Variants in MCM7 observed in about 807,000 individuals in gnomAD.
The protein encoded by MCM7 is minichromosome maintenance complex component 7, also known as DNA replication licensing factor MCM7.
In MCM7, 95 loss-of-function variants were observed where a neutral mutation model predicts 83.5. The ratio of observed to expected loss-of-function variants is 1.14; its 90% confidence interval spans 0.96 to 1.35. The LOEUF is 1.35. MCM7 is among the 40% of genes most tolerant of loss of function. The pLI, the probability that MCM7 is intolerant of heterozygous loss-of-function variation, is 0.00. For missense variants in MCM7, 1,087 were observed against 957.4 expected (o/e 1.14, Z -1.79); for synonymous variants, 461 against 352.7 (o/e 1.31, Z -3.44).
intron 1 of MCM7, 49 bp downstream of exon 1, chr7:100,101,215 C>T (rs1796005452): frequency 6.2e-7 from 1 of 1,610,882 alleles, no homozygotes; most frequent in Non-Finnish European, 8.5e-7. Flanking sequence ...CAGGTGTTCC[C>T]CGGGAGGCTC....
chr7:100,093,758 A>G (rs559976662), intron 13 of MCM7: 98 of 621,490 alleles, frequency 1.6e-4, no homozygotes, highest in South Asian at 1.4e-3. Context: ...ATTGGCAGAG[A>G]GAACGTGTCC....
At position 100,092,860 on chromosome 7, in the gene MCM7, G is replaced by A. The variant is rs1795385450; in HGVS notation, c.*72C>T. On this transcript the variant is annotated 3_prime_UTR_variant, in exon 15 of 15. Transcript: ENST00000303887. Reference sequence around the variant, plus strand: ...GAGGGGCTCCTCCTTCCCCTCAAAGGCATCACTGCCCCTTCCCAAGGGGCA... The same window carrying A: ...GAGGGGCTCCTCCTTCCCCTCAAAGACATCACTGCCCCTTCCCAAGGGGCA... 9 of 1,512,592 alleles carry A rather than the reference G, an allele frequency of 6.0e-6. No individual in the cohort carries two copies. Among genetic ancestry groups the A allele is most frequent in the Admixed American group, 5.1e-5 (3 of 58,916 alleles). 93.7% of individuals were successfully genotyped at this position (1,512,592 alleles called of 1,614,324 possible). A position where few individuals can be genotyped will look rare whatever the true frequency, so the allele number is the denominator to read the frequency against.
Position 100,095,259 on chromosome 7 carries a change from G to A in MCM7, c.1679+128C>T, listed in dbSNP as rs559120697. 7.3e-5 allele frequency: 59 copies of A among 811,786 alleles called. No homozygotes were observed. In the African/African-American group the frequency reaches 8.8e-4, roughly 12 times the overall value. The allele number at this position is 811,786 out of a possible 1,614,324, so 50.3% of individuals were successfully genotyped here. ...ATTTTCCACTTAAAAGCTGATCTGA[G>A]GCTCTGGACATGTCTGTAGCGGGAA... On this transcript the variant is annotated intron_variant, in intron 12 of 14. Transcript: ENST00000303887.
chr7:100,096,581 G>A (rs1043896086), intron 10 of MCM7, among the ~76,000 whole-genome samples: 3 of 150,860 alleles, frequency 2.0e-5, no homozygotes, highest in African/African-American at 7.3e-5. Flanking sequence ...TTCGAGACCA[G>A]CCTGCCCAAC....
At chr7:100,097,483 A>G in intron 9 of MCM7, 99 bp from the exon 10 acceptor site, 1 of 1,571,700 alleles carries the variant, frequency 6.4e-7, no homozygotes, top group Non-Finnish European at 8.7e-7. Context: ...ACCCAGCACT[A>G]TTTCTAAGCC....
chr7:100,097,083 A>G (rs1214122243), intron 10 of MCM7, among the ~76,000 whole-genome samples: 2 of 152,226 alleles, frequency 1.3e-5, no homozygotes, highest in Non-Finnish European at 2.9e-5. Context: ...CCTGGGCGAA[A>G]GAGCAAGCCT....
chr7:100,097,381 T>C lies in MCM7; in HGVS notation c.1121A>G (p.Asn374Ser). 6.2e-7 allele frequency: 1 copy of C among 1,614,024 alleles called. No homozygotes were observed. Among genetic ancestry groups the C allele is most frequent in the Non-Finnish European group, 8.5e-7 (1 of 1,179,930 alleles). The change falls in exon 10 of 15, where the codon AAC becomes AGC. Residue 374 changes from asparagine (N) to serine (S), a missense_variant. Transcript: ENST00000303887. ...ATCCCCCATCAGACAGATGTTGATG[T>C]TGCCTGGAGGAAGGGAAGGCAGCCC... is the stretch of plus-strand genomic sequence containing the variant. ...QSPRGMKIRG[N>S]INICLMGDPG... is the part of the protein sequence containing the mutation.
Position 100,099,093 on chromosome 7 carries a change from G to A in MCM7, c.512C>T (p.Ser171Phe), listed in dbSNP as rs1795796185. ...CACCACCATCTTGGGTTTGACTTCA[G>A]AGACACGAGTGACGATTCCACGCAC... is the stretch of plus-strand genomic sequence containing the variant. ...VTVRGIVTRVSEVKPKMVVAT... is the reference protein window; with the variant it reads ...VTVRGIVTRVFEVKPKMVVAT... The change falls in exon 5 of 15, where the codon TCT becomes TTT. Residue 171 changes from serine to phenylalanine, a missense_variant. Physicochemically the swap from Ser to Phe is radical, Grantham distance 155 (BLOSUM62 -2). Transcript: ENST00000303887. The A allele has an allele frequency of 6.2e-7, 1 of 1,614,020 alleles. No individual in the cohort carries two copies. The highest frequency in any genetic ancestry group is 8.5e-7 in the Non-Finnish European group (1 of 1,180,036).
chr7:100,095,303 C>T (rs1795561055), intron 12 of MCM7, 84 bp downstream of exon 12: 13 of 1,226,854 alleles, frequency 1.1e-5, no homozygotes, highest in African/African-American at 1.5e-5. Context: ...GTGAAAAACA[C>T]ACACCCTAAG....
intron 10 of MCM7, 44 bp downstream of exon 10, chr7:100,097,257 C>T (rs1795688179): frequency 5.8e-6 from 9 of 1,543,716 alleles, no homozygotes; most frequent in Non-Finnish European, 7.2e-6. Context: ...CACTGTGGTC[C>T]TGTCTGTCAC....
At chr7:100,100,944 C>G in intron 1 of MCM7, 1 of 1,018,772 alleles carries the variant, frequency 9.8e-7, no homozygotes, top group Non-Finnish European at 1.3e-6. Flanking sequence ...GAGCCCAGAG[C>G]CCTTAAGACT....
rs1795843426 is a variant in MCM7 at position 100,099,673 on chromosome 7, G to A, written c.192C>T (p.Asp64=). The change falls in exon 3 of 15, where the codon GAC becomes GAT. Residue 64 remains aspartate (D), a synonymous_variant. Transcript: ENST00000303887. ...AGCGCCTGGCATTCTCACAAATTGAGTCCACCAACTCGGGGTCATCCTCGG... is the reference window on the plus strand; with the variant it reads ...AGCGCCTGGCATTCTCACAAATTGAATCCACCAACTCGGGGTCATCCTCGG... ...DVAEDDPELV[D]SICENARRYA... 2 of 1,614,162 alleles carry A rather than the reference G, an allele frequency of 1.2e-6. No homozygotes were observed. Among genetic ancestry groups the A allele is most frequent in the East Asian group, 2.2e-5 (1 of 44,890 alleles).
rs918243781 is a variant in MCM7, at chr7:100,098,005, G to C, written c.871-57C>G. ...AATCCCTTCAACTTGCCCATCACTG[G>C]ATTCCCTAACAATTTCTTGACAAAT... On this transcript the variant is annotated intron_variant, in intron 7 of 14. Coordinates refer to ENST00000303887, the MANE Select transcript of MCM7 (RefSeq NM_005916.5). 6.3e-6 allele frequency: 10 copies of C among 1,586,880 alleles called. No homozygotes were observed. The East Asian group carries it at 2.2e-4, about 35-fold the overall frequency.
rs1795512149 is a variant in MCM7, at chr7:100,094,443, TC to T, written c.1680-103del. On this transcript the variant is annotated intron_variant, in intron 12 of 14. Coordinates refer to ENST00000303887, the MANE Select transcript of MCM7 (RefSeq NM_005916.5). ...TACCAGGGCTCCCCATTTAACATGG[TC>T]CCCTCCAAGAATTTTAAGTGGAAAA... 3 of 1,350,002 alleles carry T rather than the reference TC, an allele frequency of 2.2e-6. No homozygotes were observed. In the Admixed American group the frequency reaches 6.1e-5, roughly 28 times the overall value. 83.6% of individuals were successfully genotyped at this position (1,350,002 alleles called of 1,614,324 possible).
intron 5 of MCM7, 120 bp from the exon 6 acceptor site, chr7:100,098,835 G>C: frequency 1.4e-6 from 2 of 1,424,192 alleles, no homozygotes; most frequent in Non-Finnish European, 9.6e-7. Context: ...AGAACCCTCT[G>C]AACTTACTCT....
intron 14 of MCM7, 60 bp from the exon 15 acceptor site, chr7:100,093,193 A>G: frequency 1.3e-6 from 2 of 1,599,872 alleles, no homozygotes; most frequent in Non-Finnish European, 1.7e-6. Flanking sequence ...CGACATCAAC[A>G]GAGAACAATG....
chr7:100,093,261 A>G, intron 14 of MCM7, 31 bp downstream of exon 14: 1 of 1,598,818 alleles, frequency 6.3e-7, no homozygotes, highest in Non-Finnish European at 8.6e-7. Context: ...AGACAAAGTG[A>G]CACAGCTTTG....
chr7:100,096,441 A>G (rs1297426682), intron 10 of MCM7, among the ~76,000 whole-genome samples: 5 of 152,194 alleles, frequency 3.3e-5, no homozygotes. Context: ...AACTGAGACT[A>G]TAGGCACTCA....
chr7:100,098,478 C>T, intron 6 of MCM7, 100 bp downstream of exon 6: 1 of 1,562,954 alleles, frequency 6.4e-7, no homozygotes, highest in Non-Finnish European at 8.7e-7. Flanking sequence ...TCCTGCACTT[C>T]CCTCTTTTGT....
Sources: gnomAD v4.1 joint callset for allele counts (sites outside exome capture counted in the v4.1 genomes callset) on GRCh38, gnomAD v4.1.1 for gene constraint, MANE v1.5 for transcripts, NCBI Gene and HGNC (gene_info 2026-07-23, HGNC 2026-07-21) for gene names.